Variants in GPHN observed in about 807,000 individuals in gnomAD.
The protein encoded by GPHN is gephyrin.
Under a neutral mutation model 95.5 loss-of-function variants are expected in GPHN, and 17 were observed. The ratio of observed to expected loss-of-function variants is 0.18; its 90% CI spans 0.12 to 0.27. The LOEUF (loss-of-function observed/expected upper bound fraction) is 0.27, where lower values mean the gene tolerates loss of function less well. Among genes scored for constraint, GPHN ranks in the 10% least tolerant of loss-of-function variants. GPHN has a pLI of 1.00. For synonymous variants in GPHN, 320 were observed against 322.5 expected, an observed-to-expected ratio of 0.99 and a Z score of 0.08; for missense variants, 660 against 978.1, an observed-to-expected ratio of 0.67 and a Z score of 4.34.
At chr14:67,368,844 GA>G in the GPHN span, among the ~76,000 whole-genome samples, 5,224 of 152,086 alleles carry the variant, frequency 0.034, 110 homozygotes, top group East Asian at 0.06. Flanking sequence ...GCAACATAGT[GA>G]AACTATCTCT....
intron 8 of GPHN, among the ~76,000 whole-genome samples, chr14:66,962,568 CA>C (rs1192512495): frequency 6.6e-6 from 1 of 151,508 alleles, no homozygotes; most frequent in African/African-American, 2.4e-5. Flanking sequence ...CTGCAAGCAC[CA>C]AAAAAATAGT....
intron 11 of GPHN, among the ~76,000 whole-genome samples, chr14:67,084,602 T>A (rs2076815128): frequency 6.6e-6 from 1 of 152,214 alleles, no homozygotes; most frequent in Admixed American, 6.5e-5. Context: ...TGCACTGTGC[T>A]TGTGAATTCC....
At chr14:66,527,976 T>C (rs1203868049) in intron 1 of GPHN, among the ~76,000 whole-genome samples, 1 of 152,172 alleles carries the variant, frequency 6.6e-6, no homozygotes, top group African/African-American at 2.4e-5. Context: ...AAGATGTCTA[T>C]TAGGTCTGCT....
chr14:66,547,676 A>G (rs1426100789), intron 1 of GPHN, among the ~76,000 whole-genome samples: 2 of 152,224 alleles, frequency 1.3e-5, no homozygotes, highest in African/African-American at 4.8e-5. Context: ...AACAGTAAGT[A>G]TCAGTTCGTC....
chr14:67,604,943 C>G, the GPHN span, among the ~76,000 whole-genome samples: 1 of 152,136 alleles, frequency 6.6e-6, no homozygotes, highest in Non-Finnish European at 1.5e-5. Flanking sequence ...TTTCCACACT[C>G]TCTATTATGT....
At chr14:67,198,297 A>G in the GPHN span, 7 of 1,613,478 alleles carry the variant, frequency 4.3e-6, no homozygotes, top group East Asian at 1.3e-4. Context: ...ATCTCCTCCC[A>G]TGTTAGAGAG....
At chr14:66,642,271 C>T (rs1032870573) in intron 1 of GPHN, among the ~76,000 whole-genome samples, 6 of 152,090 alleles carry the variant, frequency 3.9e-5, no homozygotes, top group Non-Finnish European at 7.4e-5. Context: ...CCCTTAAGAG[C>T]AGAGAAGTTT....
chr14:66,683,780 A>G (rs1196591876), intron 2 of GPHN, among the ~76,000 whole-genome samples: 3 of 151,798 alleles, frequency 2.0e-5, no homozygotes, highest in Non-Finnish European at 4.4e-5. Flanking sequence ...GATCGAGACC[A>G]TCCTGGCTAA....
At chr14:67,064,211 T>C (rs2075945249) in intron 11 of GPHN, among the ~76,000 whole-genome samples, 1 of 152,162 alleles carries the variant, frequency 6.6e-6, no homozygotes, top group Non-Finnish European at 1.5e-5. Flanking sequence ...TTGTCATTGG[T>C]TTGGTTTATG....
intron 1 of GPHN, among the ~76,000 whole-genome samples, chr14:66,659,086 C>T (rs777009461): frequency 3.3e-5 from 5 of 151,580 alleles, no homozygotes; most frequent in East Asian, 1.9e-4. Context: ...CTATATTGTC[C>T]GTATAGCACT....
chr14:67,700,496 A>G, the GPHN span, among the ~76,000 whole-genome samples: 1 of 151,878 alleles, frequency 6.6e-6, no homozygotes, highest in Non-Finnish European at 1.5e-5. Flanking sequence ...TGGGCAGATC[A>G]CGAGGTCAGG....
chr14:66,928,795 A>G (rs1381954301), intron 8 of GPHN, among the ~76,000 whole-genome samples: 1 of 152,002 alleles, frequency 6.6e-6, no homozygotes, highest in East Asian at 1.9e-4. Flanking sequence ...TCAGGAGCAT[A>G]TTGTTTAATT....
chr14:67,583,740 G>T, the GPHN span: 3 of 1,610,198 alleles, frequency 1.9e-6, no homozygotes, highest in Non-Finnish European at 1.7e-6. Context: ...TTCTACCACA[G>T]GTAGAATATG....
the GPHN span, among the ~76,000 whole-genome samples, chr14:67,413,121 G>A: frequency 6.6e-6 from 1 of 151,982 alleles, no homozygotes; most frequent in Non-Finnish European, 1.5e-5. Context: ...AAAAATCCAC[G>A]ATGAACAAAA....
chr14:66,649,710 A>G (rs1464384228), intron 1 of GPHN, among the ~76,000 whole-genome samples: 2 of 152,304 alleles, frequency 1.3e-5, no homozygotes, highest in Admixed American at 6.5e-5. Flanking sequence ...GTTTGACTGC[A>G]CAGAGACCAT....
At chr14:66,630,369 G>C (rs1191085969) in intron 1 of GPHN, among the ~76,000 whole-genome samples, 5 of 152,158 alleles carry the variant, frequency 3.3e-5, no homozygotes, top group African/African-American at 1.2e-4. Context: ...TTTCCTTAGT[G>C]ATTTAAAATA....
chr14:67,280,853 T>TTCCTTCCCTCCCACCCTCCCTCCC, the GPHN span, among the ~76,000 whole-genome samples: 1 of 77,610 alleles, frequency 1.3e-5, no homozygotes, highest in African/African-American at 1.0e-4. Flanking sequence ...CCTTCCTTCC[T>TTCCTTCCCTCCCACCCTCCCTCCC]TCCCTCCCTC....
the GPHN span, among the ~76,000 whole-genome samples, chr14:67,468,454 T>C: frequency 2.0e-5 from 3 of 152,198 alleles, no homozygotes; most frequent in Non-Finnish European, 4.4e-5. Flanking sequence ...CAGTAAACAT[T>C]AGGCTTTCAC....
chr14:67,137,473 T>A (rs2080160572), intron 17 of GPHN, among the ~76,000 whole-genome samples: 1 of 151,912 alleles, frequency 6.6e-6, no homozygotes, highest in South Asian at 2.1e-4. Context: ...AAAAAAAGAA[T>A]TATTTTTCGG....
Sources: allele counts gnomAD v4.1 joint callset (sites outside exome capture counted in the v4.1 genomes callset), GRCh38; gene constraint gnomAD v4.1.1; transcripts MANE v1.5; gene names NCBI Gene and HGNC (gene_info 2026-07-23, HGNC 2026-07-21).